Variants in LARGE1 observed in about 807,000 individuals in gnomAD.
LARGE1 encodes LARGE xylosyl- and glucuronyltransferase 1.
LARGE1 carries 43 observed loss-of-function variants against 87.6 expected under a neutral mutation model. That is an observed-to-expected ratio of 0.49 (90% CI 0.38 to 0.63). LARGE1 has a LOEUF of 0.63. Ranked by LOEUF, LARGE1 falls within the 30% of genes least tolerant of loss-of-function variation. The pLI is 0.00. For synonymous variants in LARGE1, 434 were observed against 394.6 expected (o/e 1.10, Z -1.18); for missense variants, 802 against 1,000.2 (o/e 0.80, Z 2.67).
chr22:33,248,547 T>C (rs1246552112), intron 11 of LARGE1, among the ~76,000 whole-genome samples: 4 of 152,202 alleles, frequency 2.6e-5, no homozygotes, highest in Admixed American at 6.5e-5. Context: ...TTGGTTACAA[T>C]TGATGAACCA....
intron 1 of LARGE1, among the ~76,000 whole-genome samples, chr22:33,861,395 C>A (rs904182831): frequency 6.6e-6 from 1 of 151,838 alleles, no homozygotes; most frequent in Non-Finnish European, 1.5e-5. Flanking sequence ...CCTACACACA[C>A]ACACAAACAC....
chr22:33,824,322 C>T lies in LARGE1; in HGVS notation c.-82-62764G>A, dbSNP rs138293033. Reference sequence around the variant, plus strand: ...TGGCTGGGAAGCCTCAGGAAACTTACAATCATGGCAGAAGGCAAAGGGGAA... The same window carrying T: ...TGGCTGGGAAGCCTCAGGAAACTTATAATCATGGCAGAAGGCAAAGGGGAA... On this transcript the variant is annotated intron_variant, in intron 1 of 14. Transcript: ENST00000397394. Among the ~76,000 whole-genome samples the T allele has an allele frequency of 5.9e-3, 893 of 152,270 alleles. 10 individuals are homozygous for T. The highest frequency in any genetic ancestry group is 0.02 in the African/African-American group (842 of 41,548).
chr22:33,289,614 T>G (rs1026905692), intron 12 of LARGE1, among the ~76,000 whole-genome samples: 1 of 152,092 alleles, frequency 6.6e-6, no homozygotes, highest in African/African-American at 2.4e-5. Flanking sequence ...GAAGTCAACA[T>G]ACTACTTACA....
chr22:33,507,852 A>G (rs1262596865), intron 6 of LARGE1, among the ~76,000 whole-genome samples: 1 of 152,180 alleles, frequency 6.6e-6, no homozygotes, highest in Non-Finnish European at 1.5e-5. Flanking sequence ...CCAGAATTAC[A>G]TACCTAGGGG....
rs149859649 is a variant in LARGE1 at position 33,250,411 on chromosome 22, G to A, written c.1730+53818C>T. Among the ~76,000 whole-genome samples, 427 of 152,228 alleles carry A rather than the reference G, an allele frequency of 2.8e-3. 3 individuals are homozygous for A. Among genetic ancestry groups the A allele is most frequent in the African/African-American group, 9.3e-3 (388 of 41,558 alleles). On this transcript the variant is annotated intron_variant, in intron 11 of 11. Transcript: ENST00000608642. ...CTCTAATTGCTTATTAGTTCCATGC[G>A]TTTTTTGTCAGTTCTTTTGGATTTT...
chr22:33,842,957 A>AC (rs2063324760), intron 1 of LARGE1, among the ~76,000 whole-genome samples: 3 of 137,162 alleles, frequency 2.2e-5, no homozygotes, highest in Admixed American at 7.3e-5. Flanking sequence ...ACAAAACAAA[A>AC]AAACCACAAC....
intron 11 of LARGE1, among the ~76,000 whole-genome samples, chr22:33,249,470 T>C (rs1339665360): frequency 6.6e-6 from 1 of 152,218 alleles, no homozygotes; most frequent in Non-Finnish European, 1.5e-5. Context: ...TTTGCAAATG[T>C]ATTCTCCCAG....
chr22:33,861,857 A>ATCC (rs1555885781), intron 1 of LARGE1, among the ~76,000 whole-genome samples: 1 of 100,294 alleles, frequency 1.0e-5, no homozygotes, highest in Non-Finnish European at 1.9e-5. Flanking sequence ...GGACCCAGAC[A>ATCC]TTCTTTTTTT....
chr22:33,572,226 A>C lies in LARGE1; in HGVS notation c.616-7207T>G, dbSNP rs556125504. ...AAAAAAGAAGTCATCCCAGCTGCAG[A>C]ATGTTTGAAAAGTCATTTGCCTTTC... On this transcript the variant is annotated intron_variant, in intron 5 of 14. Coordinates refer to ENST00000397394, the MANE Select transcript of LARGE1 (RefSeq NM_133642.5). 1.0e-5 allele frequency: 13 copies of C among 1,281,060 alleles called. No homozygotes were observed. In the African/African-American group the frequency reaches 2.0e-4, roughly 20 times the overall value. 79.4% of individuals were successfully genotyped at this position (1,281,060 alleles called of 1,614,324 possible).
intron 2 of LARGE1, among the ~76,000 whole-genome samples, chr22:33,713,778 G>A (rs933314294): frequency 1.3e-5 from 2 of 151,810 alleles, no homozygotes; most frequent in African/African-American, 2.4e-5. Context: ...GCAACATGGC[G>A]AGACACCGTG....
chr22:33,618,537 G>C (rs982668523), intron 4 of LARGE1, among the ~76,000 whole-genome samples: 1 of 152,132 alleles, frequency 6.6e-6, no homozygotes, highest in African/African-American at 2.4e-5. Flanking sequence ...ATATTTATGG[G>C]TATGACCAAA....
At chr22:33,275,070 T>C (rs1928948956) in intron 14 of LARGE1, among the ~76,000 whole-genome samples, 1 of 152,040 alleles carries the variant, frequency 6.6e-6, no homozygotes, top group Non-Finnish European at 1.5e-5. Context: ...TGATGCGATC[T>C]GACAGTCTCA....
rs567926495 is a variant in LARGE1, at chr22:33,285,610, C to T, written c.1731-2262G>A. On this transcript the variant is annotated intron_variant, in intron 12 of 14. Transcript: ENST00000397394. ...CTGTGTTCCACCCTGGGCGACAGAG[C>T]GAGACCCTGTCACAAAACAAACAAA... 3.3e-5 allele frequency among the ~76,000 whole-genome samples: 5 copies of T among 150,820 alleles called. No homozygotes were observed. In the South Asian group the frequency reaches 8.3e-4, roughly 25 times the overall value.
intron 11 of LARGE1, among the ~76,000 whole-genome samples, chr22:33,169,061 T>A (rs1246969878): frequency 6.6e-6 from 1 of 152,172 alleles, no homozygotes; most frequent in Non-Finnish European, 1.5e-5. Context: ...GGACTATAAA[T>A]GCCTAGGAAG....
At chr22:33,876,135 C>T (rs2064457388) in intron 1 of LARGE1, among the ~76,000 whole-genome samples, 1 of 152,176 alleles carries the variant, frequency 6.6e-6, no homozygotes, top group East Asian at 1.9e-4. Flanking sequence ...CCATGAGACC[C>T]AGCAGTTGGG....
intron 5 of LARGE1, among the ~76,000 whole-genome samples, chr22:33,593,508 G>A (rs1313230340): frequency 2.0e-5 from 3 of 152,120 alleles, no homozygotes; most frequent in Admixed American, 6.5e-5. Flanking sequence ...AAGCTGAGGC[G>A]GGATTTTTAT....
chr22:33,452,732 G>A (rs1252795359), intron 6 of LARGE1, among the ~76,000 whole-genome samples: 1 of 152,212 alleles, frequency 6.6e-6, no homozygotes, highest in Non-Finnish European at 1.5e-5. Context: ...AGACTGCATA[G>A]AAACAACACG....
chr22:33,437,339 G>A (rs1288149742), intron 6 of LARGE1, among the ~76,000 whole-genome samples: 1 of 152,186 alleles, frequency 6.6e-6, no homozygotes, highest in African/African-American at 2.4e-5. Context: ...GAACACCAGA[G>A]CCAGACGCCT....
intron 11 of LARGE1, among the ~76,000 whole-genome samples, chr22:33,169,662 T>C (rs1264511112): frequency 2.6e-5 from 4 of 151,592 alleles, no homozygotes; most frequent in African/African-American, 9.7e-5. Context: ...TCATACTGGC[T>C]AACATGGTGA....
Sources: gnomAD v4.1 joint callset for allele counts (sites outside exome capture counted in the v4.1 genomes callset) on GRCh38, gnomAD v4.1.1 for gene constraint, MANE v1.5 for transcripts, NCBI Gene and HGNC (gene_info 2026-07-23, HGNC 2026-07-21) for gene names.